The following ATP8A2 variants were observed in gnomAD, a reference collection of about 807,000 sequenced individuals.
The protein encoded by ATP8A2 is ATPase phospholipid transporting 8A2, also known as phospholipid-transporting ATPase IB.
A neutral mutation model predicts 165.6 loss-of-function variants in ATP8A2; 100 were observed. The observed-to-expected ratio is 0.60, with a 90% CI of 0.51 to 0.71. The LOEUF (loss-of-function observed/expected upper bound fraction) is 0.71. Among genes scored for constraint, ATP8A2 ranks in the 30% least tolerant of loss-of-function variants. The pLI is 0.00. For missense variants in ATP8A2, 1,227 were observed against 1,479.5 expected (o/e 0.83, Z 2.80); for synonymous variants, 543 against 548.8 (o/e 0.99, Z 0.15).
intron 1 of ATP8A2, among the ~76,000 whole-genome samples, chr13:25,407,799 C>T (rs2033848586): frequency 6.6e-6 from 1 of 152,132 alleles, no homozygotes; most frequent in Admixed American, 6.5e-5. Flanking sequence ...CATGGGTTTC[C>T]AAAGGCGATT....
intron 2 of ATP8A2, among the ~76,000 whole-genome samples, chr13:25,486,157 G>A (rs1438967658): frequency 6.6e-6 from 1 of 152,140 alleles, no homozygotes; most frequent in East Asian, 1.9e-4. Context: ...CTAGTATTTT[G>A]TATGGATGGT....
intron 25 of ATP8A2, among the ~76,000 whole-genome samples, chr13:25,732,125 G>T (rs191622839): frequency 3.4e-4 from 52 of 152,298 alleles, no homozygotes; most frequent in African/African-American, 1.2e-3. Flanking sequence ...CTAGCCCAGA[G>T]AGCTGAGCTT....
chr13:25,865,113 C>T (rs960580463), intron 33 of ATP8A2, among the ~76,000 whole-genome samples: 29 of 152,080 alleles, frequency 1.9e-4, no homozygotes, highest in Non-Finnish European at 1.0e-4. Context: ...GACTTATATG[C>T]TGTCATAAAA....
At chr13:25,680,120 G>A (rs1043887437) in intron 24 of ATP8A2, among the ~76,000 whole-genome samples, 1 of 152,064 alleles carries the variant, frequency 6.6e-6, no homozygotes, top group South Asian at 2.1e-4. Context: ...GGGTTGGATC[G>A]CATCCTTGAA....
chr13:25,651,492 T>C (rs968682089), intron 24 of ATP8A2, among the ~76,000 whole-genome samples: 1 of 152,128 alleles, frequency 6.6e-6, no homozygotes, highest in African/African-American at 2.4e-5. Context: ...CAGGCTGTTA[T>C]AGTAAGCTTT....
intron 25 of ATP8A2, among the ~76,000 whole-genome samples, chr13:25,760,476 T>C (rs2044359465): frequency 6.6e-6 from 1 of 152,198 alleles, no homozygotes; most frequent in African/African-American, 2.4e-5. Flanking sequence ...GTCTTAAAAT[T>C]CTTTATATTT....
intron 28 of ATP8A2, among the ~76,000 whole-genome samples, chr13:25,835,168 A>G (rs1314553462): frequency 6.6e-6 from 1 of 152,170 alleles, no homozygotes; most frequent in Non-Finnish European, 1.5e-5. Flanking sequence ...ACATGTACAC[A>G]TGGATGCAGA....
chr13:25,534,803 C>T (rs985506146), intron 6 of ATP8A2, among the ~76,000 whole-genome samples: 1 of 152,210 alleles, frequency 6.6e-6, no homozygotes. Context: ...CAGTGGGCAT[C>T]CCAGTCACCG....
intron 33 of ATP8A2, among the ~76,000 whole-genome samples, chr13:25,912,161 C>A (rs999589745): frequency 7.9e-6 from 1 of 126,464 alleles, no homozygotes; most frequent in Non-Finnish European, 1.5e-5. Flanking sequence ...GTGAGACACA[C>A]ACACACACAC....
intron 27 of ATP8A2, among the ~76,000 whole-genome samples, chr13:25,826,743 T>C (rs1951326969): frequency 6.6e-6 from 1 of 152,224 alleles, no homozygotes; most frequent in Non-Finnish European, 1.5e-5. Flanking sequence ...GACTCTCATA[T>C]CTCATATAAA....
intron 6 of ATP8A2, chr13:25,534,366 G>C (rs1028907558): frequency 1.8e-5 from 7 of 383,784 alleles, no homozygotes; most frequent in African/African-American, 1.5e-4. Flanking sequence ...TCCCAATGCT[G>C]AAGGAATTCA....
rs368201485 is a variant in ATP8A2 at position 25,457,934 on chromosome 13, A to C, written c.77-11043A>C. Among the ~76,000 whole-genome samples, 4 of 152,226 alleles carry C rather than the reference A, an allele frequency of 2.6e-5. No homozygotes were observed. In the East Asian group the frequency reaches 7.7e-4, roughly 29 times the overall value. The stretch of plus-strand genomic sequence containing the variant: ...CTGGCCTCTGTAGTGACTTGCTCAA[A>C]TCTGACTGCATGTATTTAGTGGGTT... On this transcript the variant is annotated intron_variant, in intron 1 of 36. Transcript: ENST00000381655.
chr13:25,832,719 C>G (rs1463502913), intron 28 of ATP8A2, among the ~76,000 whole-genome samples: 4 of 152,106 alleles, frequency 2.6e-5, no homozygotes, highest in Non-Finnish European at 5.9e-5. Context: ...AGACCATTTA[C>G]AAAAACCAGT....
At position 25,664,461 on chromosome 13, in the gene ATP8A2, T is replaced by A. The variant is rs548312263; in HGVS notation, c.2212-34712T>A. On this transcript the variant is annotated intron_variant, in intron 24 of 36. Coordinates refer to ENST00000381655, the MANE Select transcript of ATP8A2 (RefSeq NM_016529.6). ...AGCGATTGCACTGTGGCTGTTACTG[T>A]CAGGAGATGCCCGTTTGTAGGTCTG... Among the ~76,000 whole-genome samples, 4 of 152,298 alleles carry A rather than the reference T, an allele frequency of 2.6e-5. No individual in the cohort carries two copies. In the South Asian group the frequency reaches 8.3e-4, roughly 32 times the overall value.
At chr13:25,796,230 C>T (rs1926085) in intron 27 of ATP8A2, among the ~76,000 whole-genome samples, 32,590 of 151,972 alleles carry the variant, frequency 0.21, 3,560 homozygotes, top group Middle Eastern at 0.25. Context: ...ATTACAGGCA[C>T]GAGCCACCGC....
chr13:25,555,019 A>C lies in ATP8A2; in HGVS notation c.1214A>C (p.Asp405Ala), dbSNP rs762622963. 3 of 1,612,428 alleles carry C rather than the reference A, an allele frequency of 1.9e-6. No individual in the cohort carries two copies. The highest frequency in any genetic ancestry group is 1.3e-5 in the African/African-American group (1 of 74,892). ...WDTDMYYIGN[D>A]TPAMARTSNL... ...ACAGATATGTATTATATAGGAAATG[A>C]CACTCCTGCCATGGCCAGGACATCA... Residue 405 changes from aspartate (D) to alanine (A), a missense_variant, in exon 13 of 37, where the codon GAC becomes GCC. Coordinates refer to ENST00000381655, the MANE Select transcript of ATP8A2 (RefSeq NM_016529.6).
At chr13:25,998,032 T>C (rs1956550517) in intron 35 of ATP8A2, among the ~76,000 whole-genome samples, 1 of 152,228 alleles carries the variant, frequency 6.6e-6, no homozygotes, top group Admixed American at 6.5e-5. Flanking sequence ...TGCTATGGAC[T>C]CTGGATTTCA....
At chr13:25,546,775 G>A (rs1378956341) in intron 10 of ATP8A2, among the ~76,000 whole-genome samples, 3 of 152,126 alleles carry the variant, frequency 2.0e-5, no homozygotes, top group Non-Finnish European at 2.9e-5. Context: ...TTACAGATGA[G>A]GAGGCTTGCA....
intron 25 of ATP8A2, among the ~76,000 whole-genome samples, chr13:25,702,564 A>G (rs2042973785): frequency 6.6e-6 from 1 of 152,202 alleles, no homozygotes; most frequent in African/African-American, 2.4e-5. Context: ...AAGTATTGTG[A>G]CATTTACATT....
Sources: allele counts gnomAD v4.1 joint callset (sites outside exome capture counted in the v4.1 genomes callset), GRCh38; gene constraint gnomAD v4.1.1; transcripts MANE v1.5; gene names NCBI Gene and HGNC (gene_info 2026-07-23, HGNC 2026-07-21).